The following POLA1 variants were observed in gnomAD, a reference collection of about 807,000 sequenced individuals.
POLA1 encodes the protein DNA polymerase alpha 1, catalytic subunit, also known as DNA polymerase alpha catalytic subunit.
A neutral mutation model predicts 124.0 loss-of-function variants in POLA1; 15 were observed. The ratio of observed to expected loss-of-function variants is 0.12; its 90% CI spans 0.08 to 0.19. The LOEUF (loss-of-function observed/expected upper bound fraction) is 0.19. POLA1 is among the 10% of genes least tolerant of loss of function. The pLI is 1.00. For missense variants in POLA1, 886 were observed against 1,103.4 expected, an observed-to-expected ratio of 0.80 and a Z score of 2.79; for synonymous variants, 408 against 389.4, an observed-to-expected ratio of 1.05 and a Z score of -0.56.
At chrX:24,805,674 G>C (rs962370990) in intron 26 of POLA1, among the ~76,000 whole-genome samples, 18 of 111,451 alleles carry the variant, frequency 1.6e-4, no homozygotes, top group African/African-American at 5.5e-4. Flanking sequence ...TTTTATACTT[G>C]AAGTTGGCAG....
intron 26 of POLA1, among the ~76,000 whole-genome samples, chrX:24,775,634 T>C (rs1189445794): frequency 9.0e-6 from 1 of 111,492 alleles, no homozygotes; most frequent in Non-Finnish European, 1.9e-5. Context: ...TTTTAGTCTT[T>C]AGAGTTTATG....
rs761784863 is a variant in POLA1, at chrX:24,732,390, G to C, written c.1707G>C (p.Leu569Phe). ...HQNEIIAMAA[L>F]VHHSFALDKA... is the part of the protein sequence containing the mutation. Reference sequence around the variant, plus strand: ...TGCAGATTATTGCTATGGCAGCTTTGGTCCATCACAGTTTTGCATTGGATA... The same window carrying C: ...TGCAGATTATTGCTATGGCAGCTTTCGTCCATCACAGTTTTGCATTGGATA... Residue 569 changes from leucine to phenylalanine, a missense_variant, in exon 16 of 37, where the codon TTG becomes TTC. This residue lies in a region of POLA1 where 337 missense variants were observed against 402.8 expected (regional missense o/e 0.84). Transcript: ENST00000379068. The C allele has an allele frequency of 4.2e-6, 5 of 1,194,125 alleles. No homozygotes were observed. The Admixed American group carries it at 1.1e-4, about 26-fold the overall frequency.
At chrX:24,961,748 T>A (rs767857643) in intron 36 of POLA1, among the ~76,000 whole-genome samples, 6 of 111,650 alleles carry the variant, frequency 5.4e-5, no homozygotes, top group East Asian at 2.8e-4. Flanking sequence ...GGAGCTTTTT[T>A]AAAAAAATCT....
At chrX:24,749,536 GTT>G (rs1004106337) in intron 26 of POLA1, among the ~76,000 whole-genome samples, 2 of 110,122 alleles carry the variant, frequency 1.8e-5, no homozygotes, top group African/African-American at 3.3e-5. Context: ...ACTTAAGAGA[GTT>G]TTTTTTTGCT....
intron 26 of POLA1, chrX:24,775,204 A>G (rs1246988351): frequency 9.0e-6 from 1 of 111,288 alleles, no homozygotes; most frequent in East Asian, 2.8e-4. Context: ...TAGTTTTGCC[A>G]TCTGGTAATG....
intron 12 of POLA1, among the ~76,000 whole-genome samples, chrX:24,725,191 C>CT (rs757657562): frequency 0.019 from 1,686 of 88,957 alleles, 25 homozygotes; most frequent in African/African-American, 0.027. Context: ...TGAATGACTA[C>CT]TTTTTTTTTT....
intron 36 of POLA1, among the ~76,000 whole-genome samples, chrX:24,991,529 C>T (rs1369781664): frequency 8.9e-6 from 1 of 112,564 alleles, no homozygotes; most frequent in Non-Finnish European, 1.9e-5. Context: ...AACAACCCTT[C>T]CTGGTAGTTG....
At chrX:24,733,442 T>C (rs1931062069) in intron 16 of POLA1, among the ~76,000 whole-genome samples, 1 of 112,492 alleles carries the variant, frequency 8.9e-6, no homozygotes, top group Non-Finnish European at 1.9e-5. Flanking sequence ...CCGCTGTATG[T>C]TGCTTGCGGC....
chrX:24,958,117 GA>G (rs1311160034), intron 36 of POLA1, among the ~76,000 whole-genome samples: 3 of 111,623 alleles, frequency 2.7e-5, no homozygotes, highest in African/African-American at 9.8e-5. Flanking sequence ...GATGGAGCTT[GA>G]GTTAGTGGGA....
chrX:24,973,644 G>A (rs1159075453), intron 36 of POLA1, among the ~76,000 whole-genome samples: 1 of 111,901 alleles, frequency 8.9e-6, no homozygotes, highest in Non-Finnish European at 1.9e-5. Context: ...CACCTGAAAT[G>A]TAGTTATTCT....
At chrX:24,817,607 CAAAAAAAAAAAA>C (rs1171262514) in intron 30 of POLA1, among the ~76,000 whole-genome samples, 1 of 33,481 alleles carries the variant, frequency 3.0e-5, no homozygotes, top group Non-Finnish European at 6.1e-5. Context: ...GATTCCATCT[CAAAAAAAAAAAA>C]AAAAAAAGAA....
intron 9 of POLA1, 37 bp downstream of exon 9, chrX:24,717,528 C>T (rs1419416719): frequency 1.7e-6 from 2 of 1,198,365 alleles, no homozygotes; most frequent in East Asian, 5.9e-5. Context: ...CAAATAGGAC[C>T]ACAATTTTTC....
intron 26 of POLA1, among the ~76,000 whole-genome samples, chrX:24,802,787 C>G: frequency 9.0e-6 from 1 of 111,679 alleles, no homozygotes; most frequent in Middle Eastern, 4.6e-3. Context: ...CACCTGAGGT[C>G]GGGAGTTCCA....
chrX:24,865,408 G>GT (rs1209712633), intron 34 of POLA1, among the ~76,000 whole-genome samples: 8 of 111,495 alleles, frequency 7.2e-5, no homozygotes, highest in East Asian at 5.6e-4. Context: ...CTTGAGACAA[G>GT]TTTTTTTTAC....
At chrX:24,768,284 A>G (rs1265362949) in intron 26 of POLA1, among the ~76,000 whole-genome samples, 2 of 112,414 alleles carry the variant, frequency 1.8e-5, no homozygotes, top group African/African-American at 6.5e-5. Flanking sequence ...GTCATAGTTA[A>G]TGTGGCCTTT....
chrX:24,917,633 A>G (rs1172925904), intron 35 of POLA1, among the ~76,000 whole-genome samples: 2 of 111,410 alleles, frequency 1.8e-5, no homozygotes, highest in African/African-American at 3.3e-5. Flanking sequence ...ACTCCACTAA[A>G]TGATCTCTTA....
chrX:24,784,879 C>G (rs1260650477), intron 26 of POLA1, among the ~76,000 whole-genome samples: 1 of 111,061 alleles, frequency 9.0e-6, no homozygotes, highest in Non-Finnish European at 1.9e-5. Flanking sequence ...GTACACTGTT[C>G]TGCACTAAAC....
intron 15 of POLA1, among the ~76,000 whole-genome samples, chrX:24,730,763 G>A (rs1478594659): frequency 8.9e-6 from 1 of 112,391 alleles, no homozygotes; most frequent in African/African-American, 3.2e-5. Flanking sequence ...TGAACAGATT[G>A]CAACACATCA....
intron 34 of POLA1, among the ~76,000 whole-genome samples, chrX:24,851,956 A>G (rs1442146103): frequency 8.9e-6 from 1 of 112,673 alleles, no homozygotes; most frequent in East Asian, 2.8e-4. Context: ...TCTCTGCTGC[A>G]TGCGTCAACA....
Sources: allele counts gnomAD v4.1 joint callset (sites outside exome capture counted in the v4.1 genomes callset), GRCh38; gene constraint gnomAD v4.1.1; regional missense constraint gnomAD v4.1.1; transcripts MANE v1.5; gene names NCBI Gene and HGNC (gene_info 2026-07-23, HGNC 2026-07-21).